The following KLHDC2 variants were observed in gnomAD, a reference collection of about 807,000 sequenced individuals.
KLHDC2 encodes the protein kelch domain containing 2, also known as kelch domain-containing protein 2.
A neutral mutation model predicts 62.3 loss-of-function variants in KLHDC2; 38 were observed. The ratio of observed to expected loss-of-function variants is 0.61; its 90% CI spans 0.47 to 0.80. The LOEUF (loss-of-function observed/expected upper bound fraction) is 0.80, where lower values mean the gene tolerates loss of function less well. Among genes scored for constraint, KLHDC2 ranks in the 30% least tolerant of loss-of-function variants. KLHDC2 has a pLI of 0.00. For missense variants in KLHDC2, 430 were observed against 495.3 expected, an observed-to-expected ratio of 0.87 and a Z score of 1.25; for synonymous variants, 159 against 161.0, an observed-to-expected ratio of 0.99 and a Z score of 0.09.
chr14:49,780,225 C>CAT lies in KLHDC2; in HGVS notation c.789_790dup (p.Cys264TyrfsTer11). On this transcript the variant is annotated frameshift_variant, in exon 9 of 13. Coordinates refer to ENST00000298307, the MANE Select transcript of KLHDC2 (RefSeq NM_014315.3). LOFTEE classifies it high-confidence loss of function. The stretch of plus-strand genomic sequence containing the variant: ...CTATTATTTTCAGAATTCCACAAGG[C>CAT]ATATGCCCAGTTGGTCGATCTTGGC... 1 of 1,604,400 alleles carries CAT rather than the reference C, an allele frequency of 6.2e-7. No individual in the cohort carries two copies. Among genetic ancestry groups the CAT allele is most frequent in the Non-Finnish European group, 8.5e-7 (1 of 1,171,192 alleles).
In KLHDC2 at chr14:49,784,882, G is replaced by A. The variant is rs1204724210; in HGVS notation, c.*1929G>A. The A allele has an allele frequency of 6.6e-7, 1 of 1,523,520 alleles. No individual in the cohort carries two copies. The highest frequency in any genetic ancestry group is 1.1e-5 in the South Asian group (1 of 88,210). 94.4% of individuals were successfully genotyped at this position (1,523,520 alleles called of 1,614,324 possible). On this transcript the variant is annotated 3_prime_UTR_variant, in exon 13 of 13. Transcript: ENST00000298307. ...CAAAAAACTGCTAACATTTTAAATT[G>A]TACTGTCAGTCTCCACATTCCTTTT...
intron 1 of KLHDC2, 79 bp downstream of exon 1, chr14:49,768,700 G>A: frequency 3.7e-6 from 5 of 1,362,010 alleles, no homozygotes; most frequent in Non-Finnish European, 3.8e-6. Context: ...GGGGAGGCCA[G>A]AGCGGGCCGC....
At position 49,785,098 on chromosome 14, in the gene KLHDC2, C is replaced by T; in HGVS notation, c.*2145C>T. On this transcript the variant is annotated 3_prime_UTR_variant, in exon 13 of 13. Transcript: ENST00000298307. The stretch of plus-strand genomic sequence containing the variant: ...AAAAAACAAATTTAAATACCTTTTC[C>T]CTTTTTCTGCACTCCAGGAGTAAGT... The T allele has an allele frequency of 6.2e-7, 1 of 1,605,806 alleles. No homozygotes were observed. The highest frequency in any genetic ancestry group is 1.7e-5 in the Admixed American group (1 of 59,908).
chr14:49,777,570 C>T (rs1355361419), intron 3 of KLHDC2, among the ~76,000 whole-genome samples: 1 of 123,928 alleles, frequency 8.1e-6, no homozygotes, highest in Non-Finnish European at 1.7e-5. Flanking sequence ...TCCAGCCTGG[C>T]AAGAGAGACC....
Position 49,785,155 on chromosome 14 carries a change from G to T in KLHDC2, c.*2202G>T. The T allele has an allele frequency of 6.3e-7, 1 of 1,599,356 alleles. No homozygotes were observed. Among genetic ancestry groups the T allele is most frequent in the Middle Eastern group, 1.7e-4 (1 of 6,024 alleles). ...TTATATCTTTAAAAAGGAATTACATGTGTTACTAAATAGACGTTACAAAAC... is the reference window on the plus strand; with the variant it reads ...TTATATCTTTAAAAAGGAATTACATTTGTTACTAAATAGACGTTACAAAAC... On this transcript the variant is annotated 3_prime_UTR_variant, in exon 13 of 13. Coordinates refer to ENST00000298307, the MANE Select transcript of KLHDC2 (RefSeq NM_014315.3).
chr14:49,777,954 A>G lies in KLHDC2; in HGVS notation c.467A>G (p.Lys156Arg), dbSNP rs1454937063. The stretch of plus-strand genomic sequence containing the variant: ...CTTGGTGTCTGGGTATATAAAAACA[A>G]GTAAGTTGGCAGCACTACAGGTTTG... ...DKLGVWVYKN[K>R]LIFFGGYGYL... The change falls in exon 4 of 13, where the codon AAG (lysine) becomes AGG (arginine). Residue 156 changes from lysine to arginine, a missense_variant and splice_region_variant. Lys to Arg is a conservative substitution (Grantham distance 26, BLOSUM62 2). Transcript: ENST00000298307. 5.1e-6 allele frequency: 8 copies of G among 1,572,588 alleles called. No homozygotes were observed. Among genetic ancestry groups the G allele is most frequent in the Non-Finnish European group, 7.0e-6 (8 of 1,146,474 alleles).
At chr14:49,774,128 T>C (rs1459520368) in intron 2 of KLHDC2, among the ~76,000 whole-genome samples, 1 of 152,188 alleles carries the variant, frequency 6.6e-6, no homozygotes, top group Non-Finnish European at 1.5e-5. Context: ...CTGATGCATA[T>C]GAACAGCTAA....
At chr14:49,773,347 G>C (rs1366022345) in intron 2 of KLHDC2, among the ~76,000 whole-genome samples, 1 of 148,070 alleles carries the variant, frequency 6.8e-6, no homozygotes, top group Non-Finnish European at 1.5e-5. Flanking sequence ...CCGGAAGGCA[G>C]AGCTTGCAGT....
chr14:49,783,853 T>C lies in KLHDC2; in HGVS notation c.*900T>C, dbSNP rs1030100111. The C allele has an allele frequency of 6.6e-6, 1 of 152,176 alleles. No homozygotes were observed. Among genetic ancestry groups the C allele is most frequent in the African/African-American group, 2.4e-5 (1 of 41,450 alleles). 9.4% of individuals were successfully genotyped at this position (152,176 alleles called of 1,614,324 possible). Reference sequence around the variant, plus strand: ...ACTTATATTTTACATTTTGGTCTAATATTTTTTTCTGACAAGTATCAATGA... The same window carrying C: ...ACTTATATTTTACATTTTGGTCTAACATTTTTTTCTGACAAGTATCAATGA... On this transcript the variant is annotated 3_prime_UTR_variant, in exon 13 of 13. Coordinates refer to ENST00000298307, the MANE Select transcript of KLHDC2 (RefSeq NM_014315.3).
rs1289839668 is a variant in KLHDC2, at chr14:49,774,577, G to T, written c.250G>T (p.Glu84Ter). The change falls in exon 3 of 13, where the codon GAA becomes TAA. Residue 84 changes from glutamate (E) to a stop codon, truncating the protein, a stop_gained. Transcript: ENST00000298307. LOFTEE classifies it high-confidence loss of function. Reference protein sequence around the residue: ...ETGRWKKINTEGDVPPSMSGS... With the variant: ...ETGRWKKINT Reference sequence around the variant, plus strand: ...CCCCCTCAGGAAAAAAATCAACACTGAAGGTGATGTTCCTCCTTCTATGTC... The same window carrying T: ...CCCCCTCAGGAAAAAAATCAACACTTAAGGTGATGTTCCTCCTTCTATGTC... 2 of 1,612,568 alleles carry T rather than the reference G, an allele frequency of 1.2e-6. No homozygotes were observed. The highest frequency in any genetic ancestry group is 1.7e-6 in the Non-Finnish European group (2 of 1,178,746).
rs959331792 is a variant in KLHDC2, at chr14:49,768,227, C to G, written c.-242C>G. ...TGCCCCGAGTCCCGGGCCCGCGCCGCCGCCGCCCGGCTCCGCTCGCGGCCC... is the reference window on the plus strand; with the variant it reads ...TGCCCCGAGTCCCGGGCCCGCGCCGGCGCCGCCCGGCTCCGCTCGCGGCCC... On this transcript the variant is annotated 5_prime_UTR_variant, in exon 1 of 13. Coordinates refer to ENST00000298307, the MANE Select transcript of KLHDC2 (RefSeq NM_014315.3). The G allele has an allele frequency of 1.6e-5, 6 of 366,224 alleles. No individual in the cohort carries two copies. Among genetic ancestry groups the G allele is most frequent in the Non-Finnish European group, 2.4e-5 (5 of 207,414 alleles). The allele number at this position is 366,224 out of a possible 1,614,324, so 22.7% of individuals were successfully genotyped here. A position where few individuals can be genotyped will look rare whatever the true frequency, so the allele number is the denominator to read the frequency against.
chr14:49,784,892 T>C lies in KLHDC2; in HGVS notation c.*1939T>C, dbSNP rs774958993. 6.4e-7 allele frequency: 1 copy of C among 1,557,782 alleles called. No homozygotes were observed. The highest frequency in any genetic ancestry group is 1.1e-5 in the South Asian group (1 of 89,112). ...CTAACATTTTAAATTGTACTGTCAG[T>C]CTCCACATTCCTTTTCTGAAGGAGA... On this transcript the variant is annotated 3_prime_UTR_variant, in exon 13 of 13. Transcript: ENST00000298307.
intron 3 of KLHDC2, among the ~76,000 whole-genome samples, chr14:49,776,978 A>T (rs545726813): frequency 2.0e-5 from 3 of 152,042 alleles, no homozygotes; most frequent in Non-Finnish European, 4.4e-5. Context: ...TGCAATTGCA[A>T]AAATATGGAA....
chr14:49,775,436 T>C lies in KLHDC2; in HGVS notation c.351+758T>C, dbSNP rs140031487. ...ACTGCAGTAGCACCTGCTAGAGAGA[T>C]ACACAGCACCTGGCATATAGAAAAT... On this transcript the variant is annotated intron_variant, in intron 3 of 12. Transcript: ENST00000298307. Among the ~76,000 whole-genome samples, 9 of 152,242 alleles carry C rather than the reference T, an allele frequency of 5.9e-5. No homozygotes were observed. In the East Asian group the frequency reaches 1.7e-3, roughly 29 times the overall value.
rs1183365354 is a variant in KLHDC2 at position 49,782,883 on chromosome 14, A to G, written c.1151A>G (p.Asn384Ser). 6.2e-7 allele frequency: 1 copy of G among 1,613,838 alleles called. No individual in the cohort carries two copies. Among genetic ancestry groups the G allele is most frequent in the South Asian group, 1.1e-5 (1 of 91,074 alleles). ...CFKEMLANSW[N>S]CLPKHLLHSV... ...AAAGAAATGTTAGCCAACTCATGGA[A>G]CTGCCTTCCAAAACACTTACTTCAC... The change falls in exon 13 of 13, where the codon AAC (asparagine) becomes AGC (serine). Residue 384 changes from asparagine (N) to serine (S), a missense_variant. Coordinates refer to ENST00000298307, the MANE Select transcript of KLHDC2 (RefSeq NM_014315.3).
intron 2 of KLHDC2, among the ~76,000 whole-genome samples, chr14:49,772,588 A>G (rs1398444946): frequency 2.0e-5 from 3 of 152,244 alleles, no homozygotes; most frequent in Non-Finnish European, 4.4e-5. Flanking sequence ...AGTTTTCCCC[A>G]TGGTGTGCTT....
Position 49,785,033 on chromosome 14 carries a change from TCTA to T in KLHDC2, c.*2083_*2085del. The T allele has an allele frequency of 6.2e-7, 1 of 1,608,530 alleles. No homozygotes were observed. Among genetic ancestry groups the T allele is most frequent in the Non-Finnish European group, 8.5e-7 (1 of 1,175,204 alleles). On this transcript the variant is annotated 3_prime_UTR_variant, in exon 13 of 13. Transcript: ENST00000298307. The stretch of plus-strand genomic sequence containing the variant: ...TAAATACAAAAAAGAGTAAGAATAA[TCTA>T]CTGTTAAGTCACTGAACTGTTTAAA...
intron 12 of KLHDC2, 56 bp downstream of exon 12, chr14:49,782,650 T>TAA (rs769491701): frequency 6.9e-7 from 1 of 1,455,134 alleles, no homozygotes; most frequent in Non-Finnish European, 9.4e-7. Context: ...TCCTAAGACT[T>TAA]AGCACTCTCG....
chr14:49,773,643 C>G (rs1489915372), intron 2 of KLHDC2, among the ~76,000 whole-genome samples: 2 of 144,928 alleles, frequency 1.4e-5, no homozygotes, highest in East Asian at 4.2e-4. Context: ...GTGGCGCAAT[C>G]TCGACTCGCT....
Sources: allele counts gnomAD v4.1 joint callset (sites outside exome capture counted in the v4.1 genomes callset), GRCh38; gene constraint gnomAD v4.1.1; transcripts MANE v1.5; gene names NCBI Gene and HGNC (gene_info 2026-07-23, HGNC 2026-07-21).